Variants in SLIT2 observed in about 807,000 individuals in gnomAD.
The protein encoded by SLIT2 is slit guidance ligand 2, also known as slit homolog 2 protein.
A neutral mutation model predicts 185.7 loss-of-function variants in SLIT2; 41 were observed. That is an observed-to-expected ratio of 0.22 (90% confidence interval 0.17 to 0.29). The LOEUF (loss-of-function observed/expected upper bound fraction) is 0.29, where lower values mean the gene tolerates loss of function less well. Among genes scored for constraint, SLIT2 ranks in the 10% least tolerant of loss-of-function variants. The pLI, the probability that SLIT2 is intolerant of heterozygous loss-of-function variation, is 1.00. For missense variants in SLIT2, 1,571 were observed against 1,909.0 expected (o/e 0.82, Z 3.30); for synonymous variants, 693 against 680.2 (o/e 1.02, Z -0.29).
chr4:20,403,677 A>G (rs2109405389), intron 4 of SLIT2, among the ~76,000 whole-genome samples: 1 of 152,106 alleles, frequency 6.6e-6, no homozygotes, highest in Non-Finnish European at 1.5e-5. Flanking sequence ...CAAAGAAGGA[A>G]TGACTCTATT....
chr4:20,539,426 T>G lies in SLIT2; in HGVS notation c.1833-15T>G. ...ATGCTTTGTCTCCATAACAATGTCC[T>G]TTTTTTCCCCTCAGGATGTTGAGAA... On this transcript the variant is annotated splice_polypyrimidine_tract_variant and intron_variant, in intron 18 of 36. Coordinates refer to ENST00000504154, the MANE Select transcript of SLIT2 (RefSeq NM_004787.4). The G allele has an allele frequency of 6.3e-7, 1 of 1,594,612 alleles. No homozygotes were observed. Among genetic ancestry groups the G allele is most frequent in the Admixed American group, 1.7e-5 (1 of 57,930 alleles).
rs754935212 is a variant in SLIT2 at position 20,298,210 on chromosome 4, T to C, written c.395+29329T>C. Among the ~76,000 whole-genome samples the C allele has an allele frequency of 2.0e-4, 30 of 151,772 alleles. 1 individual carries two copies. The highest frequency in any genetic ancestry group is 3.3e-4 in the Admixed American group (5 of 15,214). ...TTCAAGCCATTCTCCTGCCTCAGCC[T>C]CCTGAGTAGCTGGGATTACAGGCAT... is the stretch of plus-strand genomic sequence containing the variant. On this transcript the variant is annotated intron_variant, in intron 4 of 36. Transcript: ENST00000504154.
intron 4 of SLIT2, among the ~76,000 whole-genome samples, chr4:20,388,971 T>C (rs1274828972): frequency 1.4e-5 from 2 of 146,760 alleles, no homozygotes; most frequent in African/African-American, 5.0e-5. Context: ...AAAATATATG[T>C]CAAAATATAT....
At position 20,448,793 on chromosome 4, in the gene SLIT2, A is replaced by G. The variant is rs368409003; in HGVS notation, c.396-18959A>G. On this transcript the variant is annotated intron_variant, in intron 4 of 36. Transcript: ENST00000504154. ...GCTGGGATTACAGGCGCACACCACC[A>G]CACCCAGCTAATTTTTGTATTTTTA... 1.2e-4 allele frequency among the ~76,000 whole-genome samples: 19 copies of G among 152,096 alleles called. No homozygotes were observed. In the South Asian group the frequency reaches 3.7e-3, roughly 30 times the overall value.
intron 11 of SLIT2, among the ~76,000 whole-genome samples, chr4:20,512,760 A>G (rs1024257203): frequency 6.6e-6 from 1 of 152,184 alleles, no homozygotes; most frequent in African/African-American, 2.4e-5. Flanking sequence ...TTGGTCCTCA[A>G]AGATAACCAT....
intron 8 of SLIT2, among the ~76,000 whole-genome samples, chr4:20,491,134 C>T (rs1380925909): frequency 3.9e-5 from 6 of 152,094 alleles, no homozygotes; most frequent in Non-Finnish European, 8.8e-5. Context: ...TAAAATTACC[C>T]AAAGCCCCCA....
At chr4:20,514,912 C>T (rs1226689442) in intron 11 of SLIT2, among the ~76,000 whole-genome samples, 1 of 151,952 alleles carries the variant, frequency 6.6e-6, no homozygotes, top group Admixed American at 6.6e-5. Flanking sequence ...AAATTTCTTT[C>T]AATGTGACAT....
At chr4:20,587,094 T>C (rs963599860) in intron 29 of SLIT2, among the ~76,000 whole-genome samples, 3 of 151,900 alleles carry the variant, frequency 2.0e-5, no homozygotes, top group African/African-American at 7.3e-5. Flanking sequence ...TCTCGGCTCA[T>C]GGCAACCTCC....
At chr4:20,373,504 T>C (rs535594400) in intron 4 of SLIT2, among the ~76,000 whole-genome samples, 2 of 151,936 alleles carry the variant, frequency 1.3e-5, no homozygotes, top group Non-Finnish European at 2.9e-5. Context: ...TACTAAAATT[T>C]TATCTATCCT....
rs556516946 is a variant in SLIT2, at chr4:20,488,951, C to G, written c.744C>G (p.Ala248=). 6.2e-7 allele frequency: 1 copy of G among 1,610,248 alleles called. No individual in the cohort carries two copies. Among genetic ancestry groups the G allele is most frequent in the African/African-American group, 1.3e-5 (1 of 74,982 alleles). The change falls in exon 8 of 37, where the codon GCC becomes GCG. Residue 248 remains alanine, a synonymous_variant. Transcript: ENST00000504154. ...GPSHLRGHNV[A]EVQKREFVCS... ...CCCACCTGAGAGGCCATAATGTAGC[C>G]GAGGTTCAAAAACGAGAATTTGTCT...
At chr4:20,570,248 G>A (rs1438349131) in intron 29 of SLIT2, among the ~76,000 whole-genome samples, 2 of 152,052 alleles carry the variant, frequency 1.3e-5, no homozygotes, top group Non-Finnish European at 2.9e-5. Context: ...AAGTCTTCTA[G>A]TAGTTGTCTA....
intron 18 of SLIT2, among the ~76,000 whole-genome samples, chr4:20,534,298 T>C (rs1373173693): frequency 6.6e-6 from 1 of 152,202 alleles, no homozygotes; most frequent in Non-Finnish European, 1.5e-5. Flanking sequence ...AGGCTGGTGA[T>C]ACATCTTCCA....
chr4:20,441,939 AT>A (rs537803239), intron 4 of SLIT2, among the ~76,000 whole-genome samples: 90 of 152,304 alleles, frequency 5.9e-4, no homozygotes, highest in Middle Eastern at 6.8e-3. Flanking sequence ...CCCAACACAT[AT>A]TTTTTTAAAG....
chr4:20,511,587 A>ATTTTTTTTTTTTTAT lies in SLIT2; in HGVS notation c.1058+463_1058+464insATTTTTTTTTTTTTT, dbSNP rs1553915356. ...AGGCGCCTGCCACCACATCCAGCTA[A>ATTTTTTTTTTTTTAT]TTTTTTTTTTTTTTTTATTTTTGGT... On this transcript the variant is annotated intron_variant, in intron 11 of 36. Coordinates refer to ENST00000504154, the MANE Select transcript of SLIT2 (RefSeq NM_004787.4). Among the ~76,000 whole-genome samples the ATTTTTTTTTTTTTAT allele has an allele frequency of 2.8e-4, 23 of 82,216 alleles. No individual in the cohort carries two copies. The South Asian group carries it at 8.6e-3, about 31-fold the overall frequency. The allele number at this position is 82,216 out of a possible 152,430, so 53.9% of individuals were successfully genotyped here.
chr4:20,352,531 G>T (rs1217752536), intron 4 of SLIT2, among the ~76,000 whole-genome samples: 1 of 152,160 alleles, frequency 6.6e-6, no homozygotes, highest in Non-Finnish European at 1.5e-5. Flanking sequence ...AATTTTGGCT[G>T]TTGGAAAAAT....
chr4:20,466,208 CT>C (rs1714337076), intron 4 of SLIT2, among the ~76,000 whole-genome samples: 1 of 151,908 alleles, frequency 6.6e-6, no homozygotes, highest in African/African-American at 2.4e-5. Flanking sequence ...GTCATCGAGG[CT>C]TTTAAATATA....
chr4:20,589,985 A>C (rs1365945366), intron 30 of SLIT2, among the ~76,000 whole-genome samples: 4 of 143,198 alleles, frequency 2.8e-5, no homozygotes, highest in Non-Finnish European at 6.0e-5. Context: ...GGCTCACTAC[A>C]ACCTCCTCCT....
chr4:20,473,563 T>C, intron 5 of SLIT2, among the ~76,000 whole-genome samples: 1 of 152,044 alleles, frequency 6.6e-6, no homozygotes, highest in East Asian at 1.9e-4. Context: ...CTATTTACAT[T>C]AGTTAGAAAT....
chr4:20,534,779 G>A (rs2148866702), intron 18 of SLIT2, among the ~76,000 whole-genome samples: 1 of 152,126 alleles, frequency 6.6e-6, no homozygotes, highest in Middle Eastern at 3.4e-3. Flanking sequence ...GAGGGAGAAG[G>A]GCATTCCCAC....
Sources: allele counts gnomAD v4.1 joint callset (sites outside exome capture counted in the v4.1 genomes callset), GRCh38; gene constraint gnomAD v4.1.1; transcripts MANE v1.5; gene names NCBI Gene and HGNC (gene_info 2026-07-23, HGNC 2026-07-21).